Variants in ADAMTS13 observed in about 807,000 individuals in gnomAD.
The protein encoded by ADAMTS13 is A disintegrin and metalloproteinase with thrombospondin motifs 13.
ADAMTS13 carries 110 observed loss-of-function variants against 155.1 expected under a neutral mutation model. That is an observed-to-expected ratio of 0.71 (90% CI 0.61 to 0.83). ADAMTS13 has a LOEUF of 0.83. ADAMTS13 is among the 40% of genes least tolerant of loss of function. The pLI, the probability that ADAMTS13 is intolerant of heterozygous loss-of-function variation, is 0.00. For synonymous variants in ADAMTS13, 758 were observed against 756.4 expected (o/e 1.00, Z -0.03); for missense variants, 1,707 against 1,891.7 (o/e 0.90, Z 1.81).
At chr9:133,452,865 G>A (rs1432072420) in intron 23 of ADAMTS13, among the ~76,000 whole-genome samples, 1 of 152,130 alleles carries the variant, frequency 6.6e-6, no homozygotes, top group African/African-American at 2.4e-5. Flanking sequence ...AACATTCCAG[G>A]GATACTCCCC....
In ADAMTS13 at chr9:133,456,745, C is replaced by G; in HGVS notation, c.3724+26C>G. 1 of 1,551,726 alleles carries G rather than the reference C, an allele frequency of 6.4e-7. No homozygotes were observed. The highest frequency in any genetic ancestry group is 8.7e-7 in the Non-Finnish European group (1 of 1,147,240). On this transcript the variant is annotated intron_variant, in intron 27 of 28. Coordinates refer to ENST00000355699, the MANE Select transcript of ADAMTS13 (RefSeq NM_139027.6). This position sits in a 1 kb window ranked among gnomAD's most constrained non-coding sequence, Gnocchi z 4.4. ...GTATGGCCAGGCCTTCTCCACCTCC[C>G]TTGGGTGCTCCAGTCCTGGCAGGGA...
chr9:133,430,169 C>T, intron 8 of ADAMTS13, 68 bp downstream of exon 8: 2 of 1,535,832 alleles, frequency 1.3e-6, no homozygotes, highest in African/African-American at 1.4e-5. Context: ...TCACGTCCCC[C>T]AAAACGTGCA....
At chr9:133,432,915 C>T (rs1840876115) in intron 9 of ADAMTS13, among the ~76,000 whole-genome samples, 1 of 151,592 alleles carries the variant, frequency 6.6e-6, no homozygotes, top group Non-Finnish European at 1.5e-5. Context: ...ATGGGGGGTG[C>T]CCATGGGTGT....
chr9:133,426,017 A>G lies in ADAMTS13; in HGVS notation c.494A>G (p.Asp165Gly). 6.2e-7 allele frequency: 1 copy of G among 1,613,996 alleles called. No homozygotes were observed. Among genetic ancestry groups the G allele is most frequent in the Non-Finnish European group, 8.5e-7 (1 of 1,180,008 alleles). Residue 165 changes from aspartate to glycine, a missense_variant, in exon 5 of 29, where the codon GAC becomes GGC. By Grantham distance (94) the Asp-to-Gly change is moderately conservative. This residue lies in a region of ADAMTS13 where 733 missense variants were observed against 749.6 expected (regional missense o/e 0.98). Coordinates refer to ENST00000355699, the MANE Select transcript of ADAMTS13 (RefSeq NM_139027.6). ...TGGAGCCAGACCATCAACCCTGAGG[A>G]CGACACGGATCCTGGCCATGCTGAC... The part of the protein sequence containing the change: ...CGWSQTINPE[D>G]DTDPGHADLV...
At chr9:133,451,296 C>T (rs1223521182) in intron 23 of ADAMTS13, among the ~76,000 whole-genome samples, 9 of 152,208 alleles carry the variant, frequency 5.9e-5, no homozygotes, top group African/African-American at 2.2e-4. Context: ...GACGGAGTCT[C>T]GCTTTGTTGC....
Position 133,441,425 on chromosome 9 carries a change from A to G in ADAMTS13, c.1968+900A>G, listed in dbSNP as rs587614462. Reference sequence around the variant, plus strand: ...GAGTGGCTCTCCCATCATCCTCTGCAGTGTGTAAAAAAGCAGATTCCCGGG... The same window carrying G: ...GAGTGGCTCTCCCATCATCCTCTGCGGTGTGTAAAAAAGCAGATTCCCGGG... On this transcript the variant is annotated intron_variant, in intron 16 of 28. Transcript: ENST00000355699. This position sits in a 1 kb window ranked among gnomAD's most constrained non-coding sequence, Gnocchi z 5.0. 3.9e-5 allele frequency among the ~76,000 whole-genome samples: 6 copies of G among 152,212 alleles called. No homozygotes were observed. The South Asian group carries it at 8.3e-4, about 21-fold the overall frequency.
rs1336986124 is a variant in ADAMTS13, at chr9:133,415,067, G to A, written n.287+423G>A. 4.1e-6 allele frequency: 6 copies of A among 1,474,242 alleles called. No homozygotes were observed. The African/African-American group carries it at 7.1e-5, about 17-fold the overall frequency. The allele number at this position is 1,474,242 out of a possible 1,614,324, so 91.3% of individuals were successfully genotyped here. A position where few individuals can be genotyped will look rare whatever the true frequency, so the allele number is the denominator to read the frequency against. Reference sequence around the variant, plus strand: ...TTGAATTTGGAAATTACACACAGCAGATTGAAAAAACTTACGTGTGTATGT... The same window carrying A: ...TTGAATTTGGAAATTACACACAGCAAATTGAAAAAACTTACGTGTGTATGT... On this transcript the variant is annotated intron_variant and non_coding_transcript_variant, in intron 1 of 17. Transcript: ENST00000485925.
chr9:133,435,952 C>T (rs1204417292), intron 11 of ADAMTS13, among the ~76,000 whole-genome samples: 2 of 146,560 alleles, frequency 1.4e-5, no homozygotes, highest in Admixed American at 6.8e-5. Context: ...TTGCTGTTTT[C>T]TGTTGTTGTT....
rs782496629 is a variant in ADAMTS13 at position 133,425,934 on chromosome 9, G to A, written c.415-4G>A. 5.0e-6 allele frequency: 8 copies of A among 1,613,316 alleles called. No homozygotes were observed. Among genetic ancestry groups the A allele is most frequent in the Non-Finnish European group, 5.9e-6 (7 of 1,180,006 alleles). On this transcript the variant is annotated splice_polypyrimidine_tract_variant and splice_region_variant and intron_variant, in intron 4 of 28. Transcript: ENST00000355699. The surrounding 1 kb of genome is among the most constrained non-coding windows in gnomAD (Gnocchi z 4.6). Reference sequence around the variant, plus strand: ...TAAATGCAGGCTTTGCTGTGGGTCCGCAGGGTGCTCCAAATATCACAGCCA... The same window carrying A: ...TAAATGCAGGCTTTGCTGTGGGTCCACAGGGTGCTCCAAATATCACAGCCA...
chr9:133,456,446 G>A lies in ADAMTS13; in HGVS notation c.3548-97G>A, dbSNP rs1254882001. 1 of 1,484,204 alleles carries A rather than the reference G, an allele frequency of 6.7e-7. No individual in the cohort carries two copies. The highest frequency in any genetic ancestry group is 9.2e-7 in the Non-Finnish European group (1 of 1,086,614). 91.9% of individuals were successfully genotyped at this position (1,484,204 alleles called of 1,614,324 possible). A position where few individuals can be genotyped will look rare whatever the true frequency, so the allele number is the denominator to read the frequency against. On this transcript the variant is annotated intron_variant, in intron 26 of 28. Transcript: ENST00000355699. The surrounding 1 kb of genome is among the most constrained non-coding windows in gnomAD (Gnocchi z 4.4). ...TAGAGTCACATAGCCAGCAGTGGGA[G>A]AGGTGGGACTTGAACTCGGCTCAGT... is the stretch of plus-strand genomic sequence containing the variant.
chr9:133,417,625 G>A (rs1218654733), upstream of ADAMTS13: 10 of 1,613,422 alleles, frequency 6.2e-6, no homozygotes, highest in Non-Finnish European at 8.5e-6. Flanking sequence ...CTCACCTCTT[G>A]CAGCGCCTTC....
At position 133,428,699 on chromosome 9, in the gene ADAMTS13, C is replaced by G; in HGVS notation, c.752C>G (p.Ser251Trp). The part of the protein sequence containing the change: ...GCGPSGHVMA[S>W]DGAAPRAGLA... ...GGCCCCAGCGGACACGTGATGGCTT[C>G]GGACGGCGCCGCGCCCCGCGCCGGC... The change falls in exon 7 of 29, where the codon TCG becomes TGG. Residue 251 changes from serine (S) to tryptophan (W), a missense_variant. Ser to Trp is a radical substitution (Grantham distance 177). This residue lies in a region of ADAMTS13 where 733 missense variants were observed against 749.6 expected (regional missense o/e 0.98). Coordinates refer to ENST00000355699, the MANE Select transcript of ADAMTS13 (RefSeq NM_139027.6). The G allele has an allele frequency of 7.4e-7, 1 of 1,359,834 alleles. No individual in the cohort carries two copies. Among genetic ancestry groups the G allele is most frequent in the South Asian group, 1.7e-5 (1 of 58,886 alleles). 84.2% of individuals were successfully genotyped at this position (1,359,834 alleles called of 1,614,324 possible).
intron 7 of ADAMTS13, among the ~76,000 whole-genome samples, chr9:133,429,185 C>A (rs587736609): frequency 1.0e-5 from 1 of 99,884 alleles, no homozygotes; most frequent in African/African-American, 4.3e-5. Flanking sequence ...CCCCGTCCCA[C>A]CCACCTGCCC....
intron 25 of ADAMTS13, 161 bp downstream of exon 25, chr9:133,455,596 G>T: frequency 4.4e-6 from 7 of 1,602,320 alleles, no homozygotes; most frequent in Non-Finnish European, 5.9e-6. Context: ...AAAACTCAGT[G>T]CAGTCCAGTT....
chr9:133,414,972 G>A lies in ADAMTS13; in HGVS notation n.287+328G>A, dbSNP rs782422263. On this transcript the variant is annotated intron_variant and non_coding_transcript_variant, in intron 1 of 17. Coordinates refer to the ADAMTS13 transcript ENST00000485925. ...TTGGAACCCATCTGAGAGATGACAA[G>A]AGGCTTTTCTGGGGCCTGAGATTTT... 3.6e-5 allele frequency: 57 copies of A among 1,600,700 alleles called. No individual in the cohort carries two copies. Among genetic ancestry groups the A allele is most frequent in the Non-Finnish European group, 4.8e-5 (57 of 1,176,730 alleles).
intron 28 of ADAMTS13, among the ~76,000 whole-genome samples, chr9:133,458,318 G>A (rs1842863590): frequency 6.6e-6 from 1 of 152,142 alleles, no homozygotes; most frequent in South Asian, 2.1e-4. Context: ...CACTTTGGGA[G>A]GCCCAGGAGG....
chr9:133,445,140 C>T lies in ADAMTS13; in HGVS notation c.2610+88C>T. ...AGGAGCACCCATTGCCACCGTCCTC[C>T]AGGCCAGAGCAAGAACACCATCCTT... is the stretch of plus-strand genomic sequence containing the variant. On this transcript the variant is annotated intron_variant, in intron 20 of 28. Coordinates refer to ENST00000355699, the MANE Select transcript of ADAMTS13 (RefSeq NM_139027.6). This position sits in a 1 kb window ranked among gnomAD's most constrained non-coding sequence, Gnocchi z 5.0. 7.1e-7 allele frequency: 1 copy of T among 1,411,230 alleles called. No individual in the cohort carries two copies. The highest frequency in any genetic ancestry group is 1.2e-5 in the South Asian group (1 of 81,368). 87.4% of individuals were successfully genotyped at this position (1,411,230 alleles called of 1,614,324 possible).
Position 133,443,408 on chromosome 9 carries a change from C to T in ADAMTS13, c.2267C>T (p.Ala756Val). 6.3e-7 allele frequency: 1 copy of T among 1,599,362 alleles called. No homozygotes were observed. Among genetic ancestry groups the T allele is most frequent in the Non-Finnish European group, 8.5e-7 (1 of 1,177,844 alleles). The change falls in exon 19 of 29, where the codon GCC becomes GTC. Residue 756 changes from alanine (A) to valine (V), a missense_variant. This residue lies in a region of ADAMTS13 where 961 missense variants were observed against 1,107.9 expected (regional missense o/e 0.87). Coordinates refer to ENST00000355699, the MANE Select transcript of ADAMTS13 (RefSeq NM_139027.6). The part of the protein sequence containing the change: ...WAVGDFGPCS[A>V]SCGGGLRERP... ...GTGGGAGACTTCGGCCCATGCAGCG[C>T]CTCCTGTGGGGGTGGCCTGCGGGAG...
chr9:133,443,492 G>C lies in ADAMTS13; in HGVS notation c.2351G>C (p.Arg784Pro). 6.3e-7 allele frequency: 1 copy of C among 1,587,172 alleles called. No individual in the cohort carries two copies. The highest frequency in any genetic ancestry group is 8.5e-7 in the Non-Finnish European group (1 of 1,172,498). The change falls in exon 19 of 29, where the codon CGG (arginine) becomes CCG (proline). Residue 784 changes from arginine to proline, a missense_variant. By Grantham distance (103) the Arg-to-Pro change is moderately radical. Around this residue, in one of 3 missense-constraint regions of ADAMTS13, gnomAD observed 961 missense variants for 1,107.9 expected, o/e 0.87. Coordinates refer to ENST00000355699, the MANE Select transcript of ADAMTS13 (RefSeq NM_139027.6). ...GSLLKTLPPA[R>P]CRAGAQQPAV... ...CTCCTGAAGACATTGCCCCCAGCCC[G>C]GTGCAGAGCAGGGGCCCAGCAGCCA...
Sources: gnomAD v4.1 joint callset for allele counts (sites outside exome capture counted in the v4.1 genomes callset) on GRCh38, gnomAD v4.1.1 for gene constraint, gnomAD v4.1.1 regional missense constraint, Gnocchi (gnomAD v3.1) non-coding constraint, MANE v1.5 for transcripts, NCBI Gene and HGNC (gene_info 2026-07-23, HGNC 2026-07-21) for gene names.